ABCA9: variants seen among roughly 807,000 people sequenced by gnomAD.
The protein encoded by ABCA9 is ATP-binding cassette sub-family A member 9.
ABCA9 carries 183 observed loss-of-function variants against 205.3 expected under a neutral mutation model. The observed-to-expected ratio is 0.89, with a 90% CI of 0.79 to 1.01. ABCA9 has a LOEUF of 1.01. ABCA9 is among the 50% of genes least tolerant of loss of function. The pLI is 0.00. For missense variants in ABCA9, 1,805 were observed against 1,912.4 expected, an observed-to-expected ratio of 0.94 and a Z score of 1.05; for synonymous variants, 651 against 683.3, an observed-to-expected ratio of 0.95 and a Z score of 0.74.
chr17:69,063,584 T>A (rs2072306474), upstream of ABCA9, among the ~76,000 whole-genome samples: 1 of 140,288 alleles, frequency 7.1e-6, no homozygotes, highest in Non-Finnish European at 1.6e-5. Context: ...ACATTTCTCT[T>A]TGTTTTTTGT....
At chr17:69,048,828 C>T (rs1311015671) in intron 3 of ABCA9, among the ~76,000 whole-genome samples, 1 of 152,142 alleles carries the variant, frequency 6.6e-6, no homozygotes, top group Non-Finnish European at 1.5e-5. Context: ...CAGGAAAAAC[C>T]ACGCCAATCT....
At chr17:69,024,744 A>C (rs1265632548) in intron 16 of ABCA9, among the ~76,000 whole-genome samples, 1 of 152,184 alleles carries the variant, frequency 6.6e-6, no homozygotes, top group Admixed American at 6.6e-5. Flanking sequence ...CTCAGACTTG[A>C]GCATGAGAAA....
intron 6 of ABCA9, among the ~76,000 whole-genome samples, chr17:69,037,708 C>G (rs1231001024): frequency 6.6e-6 from 1 of 151,848 alleles, no homozygotes; most frequent in Non-Finnish European, 1.5e-5. Flanking sequence ...CACAAAATAA[C>G]TAAGATCAGA....
intron 37 of ABCA9, among the ~76,000 whole-genome samples, chr17:68,981,407 C>T (rs1477381790): frequency 6.6e-6 from 1 of 152,008 alleles, no homozygotes; most frequent in Non-Finnish European, 1.5e-5. Context: ...CCTGAAACAT[C>T]AATCTCTGCT....
intron 22 of ABCA9, among the ~76,000 whole-genome samples, chr17:69,015,606 G>A (rs1040862849): frequency 6.6e-6 from 1 of 151,894 alleles, no homozygotes; most frequent in African/African-American, 2.4e-5. Flanking sequence ...CAATAATAAT[G>A]AGAAATATAA....
intron 19 of ABCA9, among the ~76,000 whole-genome samples, chr17:69,018,921 A>G (rs761345849): frequency 1.2e-4 from 19 of 152,246 alleles, no homozygotes; most frequent in Non-Finnish European, 4.4e-5. Flanking sequence ...TTGGCATATC[A>G]CTAACACCCA....
At chr17:69,004,755 A>C (rs1161625205) in intron 25 of ABCA9, 1 of 158,754 alleles carries the variant, frequency 6.3e-6, no homozygotes, top group African/African-American at 2.4e-5. Context: ...TGTGCTAGCA[A>C]TCAGCGAGAC....
chr17:68,994,744 G>C (rs1299933137), intron 26 of ABCA9, among the ~76,000 whole-genome samples: 1 of 152,126 alleles, frequency 6.6e-6, no homozygotes, highest in African/African-American at 2.4e-5. Flanking sequence ...TTAAGCATGT[G>C]GAATGTCCCT....
chr17:68,978,410 G>T (rs2068947638), intron 37 of ABCA9, among the ~76,000 whole-genome samples: 1 of 152,120 alleles, frequency 6.6e-6, no homozygotes, highest in Non-Finnish European at 1.5e-5. Context: ...GATGGGTCTT[G>T]ATTCTTTATC....
Position 69,024,251 on chromosome 17 carries a change from T to A in ABCA9, c.2244A>T (p.Val748=). The change falls in exon 17 of 39, where the codon GTA becomes GTT. Residue 748 remains valine, a synonymous_variant. Coordinates refer to ENST00000340001, the MANE Select transcript of ABCA9 (RefSeq NM_080283.4). ...TTGTCCTTTCCAAAGGCAAAATATA[T>A]ACAAGTTTTTCTTCACTTTGTGCTG... ...KLTAQSEEKL[V]YILPLERTNK... is the part of the protein sequence containing the mutation. 1.2e-6 allele frequency: 2 copies of A among 1,613,264 alleles called. No individual in the cohort carries two copies. Among genetic ancestry groups the A allele is most frequent in the Non-Finnish European group, 1.7e-6 (2 of 1,179,532 alleles).
At chr17:69,028,087 A>G (rs1049419990) in intron 12 of ABCA9, among the ~76,000 whole-genome samples, 1 of 152,236 alleles carries the variant, frequency 6.6e-6, no homozygotes, top group Non-Finnish European at 1.5e-5. Flanking sequence ...ATACAATTCA[A>G]TAAAAGAATA....
chr17:69,011,614 TG>T (rs2070377708), intron 23 of ABCA9, among the ~76,000 whole-genome samples: 1 of 152,148 alleles, frequency 6.6e-6, no homozygotes, highest in African/African-American at 2.4e-5. Flanking sequence ...TGTGGTGAGT[TG>T]GTCAGGGCTT....
chr17:69,045,467 T>G, intron 3 of ABCA9, 131 bp from the exon 4 acceptor site: 1 of 115,668 alleles, frequency 8.6e-6, no homozygotes. Context: ...AAATAAGACA[T>G]GGAGGGGAGG....
intron 37 of ABCA9, among the ~76,000 whole-genome samples, chr17:68,978,354 A>T (rs1408023582): frequency 6.6e-6 from 1 of 151,808 alleles, no homozygotes; most frequent in Non-Finnish European, 1.5e-5. Flanking sequence ...TTTTGAGCCT[A>T]TGTGTGTCTC....
Position 69,035,342 on chromosome 17 carries a change from G to A in ABCA9, c.1032C>T (p.Ile344=), listed in dbSNP as rs1245940471. The A allele has an allele frequency of 1.9e-6, 3 of 1,610,556 alleles. No homozygotes were observed. The highest frequency in any genetic ancestry group is 2.5e-6 in the Non-Finnish European group (3 of 1,178,142). Reference sequence around the variant, plus strand: ...GTGTATACAATGCTGGGAATCCCAGGATCCCCCAAAAGACAATAAGGAGAA... The same window carrying A: ...GTGTATACAATGCTGGGAATCCCAGAATCCCCCAAAAGACAATAAGGAGAA... ...VVFLLIVFWG[I]LGFPALYTRL... The change falls in exon 8 of 39, where the codon ATC becomes ATT. Residue 344 remains isoleucine, a synonymous_variant. Transcript: ENST00000340001.
At chr17:69,020,858 G>T in intron 18 of ABCA9, 1 of 305,240 alleles carries the variant, frequency 3.3e-6, no homozygotes, top group East Asian at 6.5e-5. Flanking sequence ...GGAAATCAAT[G>T]AAAAAAAACT....
chr17:69,053,487 G>A (rs185787366), intron 1 of ABCA9, among the ~76,000 whole-genome samples: 1 of 152,164 alleles, frequency 6.6e-6, no homozygotes, highest in East Asian at 1.9e-4. Flanking sequence ...CGATGGGCAA[G>A]GTAAGAAAGG....
In ABCA9 at chr17:68,990,970, C is replaced by G; in HGVS notation, c.3717-13G>C. 6.2e-7 allele frequency: 1 copy of G among 1,603,252 alleles called. No homozygotes were observed. The highest frequency in any genetic ancestry group is 1.8e-5 in the Admixed American group (1 of 55,840). ...TCTTGGAGAAATTCTGAAATCAAAACAGTGTGATAATGATAAACTTCGGGT... is the reference window on the plus strand; with the variant it reads ...TCTTGGAGAAATTCTGAAATCAAAAGAGTGTGATAATGATAAACTTCGGGT... On this transcript the variant is annotated splice_polypyrimidine_tract_variant and intron_variant, in intron 28 of 38. Transcript: ENST00000340001.
chr17:69,072,907 T>C, the ABCA9 span, among the ~76,000 whole-genome samples: 1 of 152,144 alleles, frequency 6.6e-6, no homozygotes, highest in Non-Finnish European at 1.5e-5. Flanking sequence ...TGGAGGAATA[T>C]TTACCAAGCA....
Sources: allele counts gnomAD v4.1 joint callset (sites outside exome capture counted in the v4.1 genomes callset), GRCh38; gene constraint gnomAD v4.1.1; transcripts MANE v1.5; gene names NCBI Gene and HGNC (gene_info 2026-07-23, HGNC 2026-07-21).